TAMM41: variants seen among roughly 807,000 people sequenced by gnomAD.
The protein encoded by TAMM41 is TAM41 mitochondrial translocator assembly and maintenance homolog, also known as phosphatidate cytidylyltransferase, mitochondrial.
TAMM41 carries 36 observed loss-of-function variants against 44.1 expected under a neutral mutation model. The ratio of observed to expected loss-of-function variants is 0.82; its 90% CI spans 0.63 to 1.08. The LOEUF (loss-of-function observed/expected upper bound fraction) is 1.08, where lower values mean the gene tolerates loss of function less well. Ranked by LOEUF, TAMM41 falls within the 50% of genes least tolerant of loss-of-function variation. The pLI, the probability that TAMM41 is intolerant of heterozygous loss-of-function variation, is 0.00. For synonymous variants in TAMM41, 164 were observed against 153.1 expected, an observed-to-expected ratio of 1.07 and a Z score of -0.53; for missense variants, 417 against 404.3, an observed-to-expected ratio of 1.03 and a Z score of -0.27.
the TAMM41 span, among the ~76,000 whole-genome samples, chr3:11,767,626 A>ATTTTTTTTTTTTTTTT: frequency 0.15 from 8,696 of 59,942 alleles, 2,995 homozygotes; most frequent in Non-Finnish European, 0.17. Context: ...CACGTTGTGC[A>ATTTTTTTTTTTTTTTT]TTTTTTTTTT....
At chr3:11,767,859 G>A in the TAMM41 span, among the ~76,000 whole-genome samples, 2 of 150,436 alleles carry the variant, frequency 1.3e-5, no homozygotes, top group South Asian at 2.1e-4. Flanking sequence ...TCCTGACCTC[G>A]TGATCCGCCC....
At chr3:11,840,054 A>C (rs2079364102) in intron 2 of TAMM41, among the ~76,000 whole-genome samples, 1 of 151,966 alleles carries the variant, frequency 6.6e-6, no homozygotes, top group Admixed American at 6.6e-5. Flanking sequence ...TCAGCCCATG[A>C]GGACTGTTTT....
At chr3:11,728,488 T>C in the TAMM41 span, among the ~76,000 whole-genome samples, 4 of 152,220 alleles carry the variant, frequency 2.6e-5, no homozygotes, top group African/African-American at 9.6e-5. Flanking sequence ...GCATTAACAG[T>C]GCTAGGTACA....
the TAMM41 span, among the ~76,000 whole-genome samples, chr3:11,758,242 T>C: frequency 6.6e-6 from 1 of 152,320 alleles, no homozygotes; most frequent in Non-Finnish European, 1.5e-5. Context: ...GAGGCCGAAG[T>C]GAGCTGTTAA....
At chr3:11,741,777 C>T in the TAMM41 span, among the ~76,000 whole-genome samples, 2 of 149,896 alleles carry the variant, frequency 1.3e-5, no homozygotes, top group Non-Finnish European at 2.9e-5. Context: ...TTGGACTATC[C>T]CAATTGCCAG....
Position 11,794,848 on chromosome 3 carries a change from C to T in TAMM41, c.938-4267G>A, listed in dbSNP as rs540012032. ...TCTTTCCATAATCTTACGTTTCAGA[C>T]CTTTGATAAAATTAGTATCCCCAAA... On this transcript the variant is annotated intron_variant, in intron 7 of 7. Transcript: ENST00000455809. 4.6e-5 allele frequency among the ~76,000 whole-genome samples: 7 copies of T among 152,254 alleles called. No homozygotes were observed. In the East Asian group the frequency reaches 1.4e-3, roughly 29 times the overall value.
downstream of TAMM41, chr3:11,790,379 C>T: frequency 1.1e-6 from 1 of 898,024 alleles, no homozygotes; most frequent in South Asian, 1.4e-5. Flanking sequence ...ATTTAAAAAA[C>T]CAAGTATTAT....
chr3:11,800,854 T>A (rs542189442), intron 7 of TAMM41, among the ~76,000 whole-genome samples: 4 of 152,192 alleles, frequency 2.6e-5, no homozygotes, highest in Admixed American at 2.0e-4. Flanking sequence ...ACAGAATATA[T>A]GTTCTTTTCA....
chr3:11,758,747 C>T, the TAMM41 span, among the ~76,000 whole-genome samples: 94 of 152,182 alleles, frequency 6.2e-4, no homozygotes, highest in African/African-American at 2.1e-3. Context: ...TATCTCAGCT[C>T]ACTGCAACCC....
chr3:11,756,945 T>G, the TAMM41 span, among the ~76,000 whole-genome samples: 2 of 152,000 alleles, frequency 1.3e-5, no homozygotes, highest in Non-Finnish European at 2.9e-5. Flanking sequence ...CCATTTCCTG[T>G]CAGAAAGGAT....
chr3:11,783,543 A>G, the TAMM41 span, among the ~76,000 whole-genome samples: 17 of 152,354 alleles, frequency 1.1e-4, no homozygotes, highest in South Asian at 3.5e-3. Flanking sequence ...TTCTGAAACA[A>G]TGTTTTAAGG....
chr3:11,816,721 C>T (rs973734744), intron 5 of TAMM41, among the ~76,000 whole-genome samples: 6 of 151,832 alleles, frequency 4.0e-5, no homozygotes, highest in Non-Finnish European at 7.4e-5. Context: ...TGCAGTAAGC[C>T]GAGATCGTGC....
At chr3:11,836,831 T>G (rs2079199717) in intron 3 of TAMM41, among the ~76,000 whole-genome samples, 1 of 152,232 alleles carries the variant, frequency 6.6e-6, no homozygotes, top group African/African-American at 2.4e-5. Context: ...GGAAATAAAA[T>G]ATTTACAAAT....
Position 11,846,556 on chromosome 3 carries a change from A to G in TAMM41, c.81T>C (p.Ala27=). The G allele has an allele frequency of 6.2e-7, 1 of 1,614,220 alleles. No homozygotes were observed. The highest frequency in any genetic ancestry group is 8.5e-7 in the Non-Finnish European group (1 of 1,180,048). The change falls in exon 1 of 8, where the codon GCT becomes GCC. Residue 27 remains alanine, a synonymous_variant. Coordinates refer to ENST00000455809, the MANE Select transcript of TAMM41 (RefSeq NM_001284401.2). ...LSHFPEELSL[A]FVYGSGVYRQ... is the part of the protein sequence containing the mutation. ...GGTACACCCCGGAGCCGTAGACGAAAGCCAGACTCAGCTCCTCGGGGAAGT... is the reference window on the plus strand; with the variant it reads ...GGTACACCCCGGAGCCGTAGACGAAGGCCAGACTCAGCTCCTCGGGGAAGT...
the TAMM41 span, among the ~76,000 whole-genome samples, chr3:11,773,392 A>C: frequency 6.6e-6 from 1 of 151,796 alleles, no homozygotes; most frequent in Admixed American, 6.6e-5. Context: ...TTTTTTATAA[A>C]ATTTAAAAAA....
At chr3:11,793,380 C>T (rs2077532108) in intron 7 of TAMM41, among the ~76,000 whole-genome samples, 1 of 152,176 alleles carries the variant, frequency 6.6e-6, no homozygotes, top group Non-Finnish European at 1.5e-5. Context: ...CAGGGAGGTG[C>T]TGCAACAGAA....
the TAMM41 span, among the ~76,000 whole-genome samples, chr3:11,771,552 A>T: frequency 1.3e-5 from 2 of 152,056 alleles, no homozygotes; most frequent in African/African-American, 2.4e-5. Flanking sequence ...GCTGGAGTAC[A>T]GTGGCCAGAT....
At chr3:11,753,161 C>T in the TAMM41 span, among the ~76,000 whole-genome samples, 1 of 152,140 alleles carries the variant, frequency 6.6e-6, no homozygotes, top group Middle Eastern at 3.4e-3. Flanking sequence ...CGCAGTGGCT[C>T]ATACCTGCAA....
the TAMM41 span, among the ~76,000 whole-genome samples, chr3:11,723,548 T>G: frequency 7.0e-6 from 1 of 143,790 alleles, no homozygotes; most frequent in African/African-American, 2.6e-5. Context: ...ACCACTACAT[T>G]CCAGCCTGGG....
Sources: allele counts gnomAD v4.1 joint callset (sites outside exome capture counted in the v4.1 genomes callset), GRCh38; gene constraint gnomAD v4.1.1; transcripts MANE v1.5; gene names NCBI Gene and HGNC (gene_info 2026-07-23, HGNC 2026-07-21).